Variants in ADGRL2 observed in about 807,000 individuals in gnomAD.
ADGRL2 encodes calcium-independent alpha-latrotoxin receptor 2.
In ADGRL2, 44 loss-of-function variants were observed where a neutral mutation model predicts 157.4. That is an observed-to-expected ratio of 0.28 (90% CI 0.22 to 0.36). ADGRL2 has a LOEUF of 0.36. ADGRL2 is among the 10% of genes least tolerant of loss of function. ADGRL2 has a pLI of 1.00. For synonymous variants in ADGRL2, 585 were observed against 624.7 expected, an observed-to-expected ratio of 0.94 and a Z score of 0.95; for missense variants, 1,510 against 1,768.9, an observed-to-expected ratio of 0.85 and a Z score of 2.63.
At chr1:81,929,782 C>A (rs541924068) in intron 3 of ADGRL2, among the ~76,000 whole-genome samples, 4 of 152,170 alleles carry the variant, frequency 2.6e-5, no homozygotes, top group African/African-American at 9.6e-5. Context: ...ATTTGCAAAT[C>A]TGTTCATCTT....
chr1:81,689,097 T>A (rs1410843879), intron 3 of ADGRL2, among the ~76,000 whole-genome samples: 1 of 152,142 alleles, frequency 6.6e-6, no homozygotes, highest in East Asian at 1.9e-4. Context: ...AAGGGTGAAA[T>A]CTCAAATACT....
chr1:81,380,376 A>G (rs567219517), intron 1 of ADGRL2, among the ~76,000 whole-genome samples: 94 of 152,352 alleles, frequency 6.2e-4, no homozygotes, highest in Non-Finnish European at 1.1e-3. Flanking sequence ...TTATGTTTAT[A>G]AAGCCAAATT....
intron 2 of ADGRL2, among the ~76,000 whole-genome samples, chr1:81,903,014 A>C (rs2094516417): frequency 6.6e-6 from 1 of 152,210 alleles, no homozygotes; most frequent in African/African-American, 2.4e-5. Flanking sequence ...AAATGTTGGA[A>C]TAGCATGTGT....
chr1:81,679,292 A>G (rs554091203), intron 3 of ADGRL2, among the ~76,000 whole-genome samples: 4 of 152,222 alleles, frequency 2.6e-5, no homozygotes, highest in Non-Finnish European at 4.4e-5. Flanking sequence ...TGAGAGATCC[A>G]CTGGTGGTAA....
chr1:81,390,183 T>C (rs2076509361), intron 1 of ADGRL2, among the ~76,000 whole-genome samples: 1 of 152,304 alleles, frequency 6.6e-6, no homozygotes, highest in Non-Finnish European at 1.5e-5. Flanking sequence ...TCCATTCTAA[T>C]ATTGAGTTTT....
intron 1 of ADGRL2, among the ~76,000 whole-genome samples, chr1:81,400,555 A>G (rs2076734751): frequency 6.6e-6 from 1 of 152,054 alleles, no homozygotes; most frequent in South Asian, 2.1e-4. Context: ...GCAGTTGAGG[A>G]ACCTGAGAAC....
rs1288498274 is a variant in ADGRL2, at chr1:81,570,431, G to T, written c.-247-10445G>T. Among the ~76,000 whole-genome samples the T allele has an allele frequency of 2.0e-5, 3 of 152,246 alleles. No homozygotes were observed. In the East Asian group the frequency reaches 5.8e-4, roughly 29 times the overall value. On this transcript the variant is annotated intron_variant, in intron 2 of 24. Transcript: ENST00000370721. Reference sequence around the variant, plus strand: ...CATGGAGTCTCACTCTGTCACCCAGGCTGGAGTGGTGCAGTGGCATGATCT... The same window carrying T: ...CATGGAGTCTCACTCTGTCACCCAGTCTGGAGTGGTGCAGTGGCATGATCT...
At chr1:81,746,979 CGTGTGTATATACGTATATACGT>C (rs2085284250) in intron 1 of ADGRL2, among the ~76,000 whole-genome samples, 6 of 123,498 alleles carry the variant, frequency 4.9e-5, no homozygotes, top group South Asian at 2.6e-4. Flanking sequence ...CGTATACACA[CGTGTGTATATACGTATATACGT>C]GTATACACAC....
At chr1:81,526,089 T>C (rs759690730) in intron 2 of ADGRL2, among the ~76,000 whole-genome samples, 2 of 133,566 alleles carry the variant, frequency 1.5e-5, no homozygotes, top group Non-Finnish European at 3.2e-5. Context: ...ATTTTCTCTG[T>C]TTCCTTTTAT....
intron 1 of ADGRL2, among the ~76,000 whole-genome samples, chr1:81,337,564 G>T (rs548782165): frequency 6.6e-6 from 1 of 152,308 alleles, no homozygotes; most frequent in South Asian, 2.1e-4. Context: ...AGCTCTCAGA[G>T]AAATCATCAT....
intron 3 of ADGRL2, chr1:81,596,356 T>G: frequency 1.9e-6 from 1 of 522,490 alleles, no homozygotes; most frequent in Non-Finnish European, 3.7e-6. Flanking sequence ...ACTTGTCCTT[T>G]CACTTCGAGA....
chr1:81,930,811 G>A lies in ADGRL2; in HGVS notation c.288-5917G>A, dbSNP rs184223357. On this transcript the variant is annotated intron_variant, in intron 3 of 23. Coordinates refer to ENST00000686636, the MANE Select transcript of ADGRL2 (RefSeq NM_001366006.2). ...CACCTGTAGGGTAGAAAGACTACAG[G>A]GATGAGTTTTTAAACCATGAGTAAA... Among the ~76,000 whole-genome samples the A allele has an allele frequency of 1.6e-4, 25 of 152,068 alleles. No individual in the cohort carries two copies. The East Asian group carries it at 3.1e-3, about 19-fold the overall frequency.
intron 2 of ADGRL2, among the ~76,000 whole-genome samples, chr1:81,477,377 A>G (rs955838941): frequency 7.9e-5 from 12 of 152,250 alleles, no homozygotes; most frequent in Admixed American, 2.6e-4. Flanking sequence ...AAATAAGGAA[A>G]TGTGGATTCA....
At chr1:81,453,664 T>C (rs2077744442) in intron 2 of ADGRL2, among the ~76,000 whole-genome samples, 1 of 152,184 alleles carries the variant, frequency 6.6e-6, no homozygotes, top group Admixed American at 6.6e-5. Context: ...AAATATACAA[T>C]GGTTTAGTGG....
intron 4 of ADGRL2, among the ~76,000 whole-genome samples, chr1:81,938,807 A>C (rs926588216): frequency 3.3e-5 from 2 of 60,880 alleles, no homozygotes; most frequent in African/African-American, 1.5e-4. Context: ...CCTATGTAGG[A>C]CAGTGTCTTA....
intron 2 of ADGRL2, among the ~76,000 whole-genome samples, chr1:81,462,426 G>C (rs571761072): frequency 2.6e-5 from 4 of 152,024 alleles, no homozygotes; most frequent in Non-Finnish European, 5.9e-5. Flanking sequence ...AGGGTCTGTG[G>C]CTTCATTCTT....
intron 3 of ADGRL2, among the ~76,000 whole-genome samples, chr1:81,592,290 A>T (rs2081147891): frequency 6.6e-6 from 1 of 152,212 alleles, no homozygotes; most frequent in Non-Finnish European, 1.5e-5. Flanking sequence ...AGGCTTTGAG[A>T]TCATATGGTC....
chr1:81,588,117 G>A (rs1349298197), intron 3 of ADGRL2, among the ~76,000 whole-genome samples: 1 of 152,050 alleles, frequency 6.6e-6, no homozygotes, highest in South Asian at 2.1e-4. Context: ...TAGCTAAGAA[G>A]GATGAAAACT....
At position 81,925,762 on chromosome 1, in the gene ADGRL2, T is replaced by C. The variant is rs192587176; in HGVS notation, c.288-10966T>C. ...ATTTGTTGCCATGCTGTAATCAAAA[T>C]GAGGTCTGTAAAAGTGGAAATTATA... is the stretch of plus-strand genomic sequence containing the variant. On this transcript the variant is annotated intron_variant, in intron 3 of 23. Coordinates refer to ENST00000686636, the MANE Select transcript of ADGRL2 (RefSeq NM_001366006.2). 1.0e-3 allele frequency among the ~76,000 whole-genome samples: 155 copies of C among 152,108 alleles called. 1 individual carries two copies. The highest frequency in any genetic ancestry group is 3.6e-3 in the African/African-American group (149 of 41,556).
Sources: gnomAD v4.1 joint callset for allele counts (sites outside exome capture counted in the v4.1 genomes callset) on GRCh38, gnomAD v4.1.1 for gene constraint, MANE v1.5 for transcripts, NCBI Gene and HGNC (gene_info 2026-07-23, HGNC 2026-07-21) for gene names.